The following CCDC136 variants were observed in gnomAD, a reference collection of about 807,000 sequenced individuals.
CCDC136 encodes coiled-coil domain containing 136.
A neutral mutation model predicts 141.2 loss-of-function variants in CCDC136; 100 were observed. The ratio of observed to expected loss-of-function variants is 0.71; its 90% CI spans 0.60 to 0.84. CCDC136 has a LOEUF of 0.84. Among genes scored for constraint, CCDC136 ranks in the 40% least tolerant of loss-of-function variants. The pLI is 0.00. For missense variants in CCDC136, 1,206 were observed against 1,379.4 expected, an observed-to-expected ratio of 0.87 and a Z score of 1.99; for synonymous variants, 474 against 531.9, an observed-to-expected ratio of 0.89 and a Z score of 1.50.
At position 128,809,643 on chromosome 7, in the gene CCDC136, A is replaced by G; in HGVS notation, c.1799A>G (p.Lys600Arg). 6.6e-7 allele frequency: 1 copy of G among 1,513,816 alleles called. No homozygotes were observed. The highest frequency in any genetic ancestry group is 8.9e-7 in the Non-Finnish European group (1 of 1,128,140). 93.8% of individuals were successfully genotyped at this position (1,513,816 alleles called of 1,614,324 possible). A position where few individuals can be genotyped will look rare whatever the true frequency, so the allele number is the denominator to read the frequency against. The change falls in exon 11 of 18, where the codon AAG becomes AGG. Residue 600 changes from lysine (K) to arginine (R), a missense_variant and splice_region_variant. By Grantham distance (26) the Lys-to-Arg change is conservative. Coordinates refer to ENST00000297788, the MANE Select transcript of CCDC136 (RefSeq NM_022742.5). ...LPLPKSGLLLKSQELLTKLED... is the reference protein window; with the variant it reads ...LPLPKSGLLLRSQELLTKLED... ...CTGCCAAAGAGTGGCCTCTTACTCAAGGTAACTCTGCCACAGGCAGCTGCT... is the reference window on the plus strand; with the variant it reads ...CTGCCAAAGAGTGGCCTCTTACTCAGGGTAACTCTGCCACAGGCAGCTGCT...
chr7:128,813,921 G>C (rs1036895250), intron 14 of CCDC136, among the ~76,000 whole-genome samples: 9 of 152,114 alleles, frequency 5.9e-5, no homozygotes, highest in African/African-American at 2.2e-4. Context: ...GGCGGAGGTT[G>C]CGGTGAGCCA....
chr7:128,800,884 T>A (rs1803919716), intron 3 of CCDC136, among the ~76,000 whole-genome samples: 1 of 152,246 alleles, frequency 6.6e-6, no homozygotes. Flanking sequence ...TCTTTAACTG[T>A]CAGGTGATTC....
In CCDC136 at chr7:128,805,556, ATTTCTTGTCTTTC is replaced by A. The variant is rs1441285658; in HGVS notation, c.948+37_948+49del. 2 of 1,575,010 alleles carry A rather than the reference ATTTCTTGTCTTTC, an allele frequency of 1.3e-6. No individual in the cohort carries two copies. Among genetic ancestry groups the A allele is most frequent in the African/African-American group, 2.7e-5 (2 of 73,992 alleles). On this transcript the variant is annotated intron_variant, in intron 6 of 17. Coordinates refer to ENST00000297788, the MANE Select transcript of CCDC136 (RefSeq NM_022742.5). This position sits in a 1 kb window ranked among gnomAD's most constrained non-coding sequence, Gnocchi z 4.6. Reference sequence around the variant, plus strand: ...CACAGAGGGTGGGGAAGGCAGGCACATTTCTTGTCTTTCTTTCACCTTCTCCCAGCCTGTGGTA... The same window carrying A: ...CACAGAGGGTGGGGAAGGCAGGCACATTTCACCTTCTCCCAGCCTGTGGTA...
intron 1 of CCDC136, 68 bp downstream of exon 1, chr7:128,792,495 C>G: frequency 7.7e-7 from 1 of 1,291,702 alleles, no homozygotes; most frequent in Non-Finnish European, 1.1e-6. Context: ...TTTCCTCCCT[C>G]TGACCCCCAG....
rs558666722 is a variant in CCDC136, at chr7:128,821,898, C to T, written c.*105C>T. The T allele has an allele frequency of 7.8e-7, 1 of 1,290,002 alleles. No individual in the cohort carries two copies. The allele number at this position is 1,290,002 out of a possible 1,614,324, so 79.9% of individuals were successfully genotyped here. A position where few individuals can be genotyped will look rare whatever the true frequency, so the allele number is the denominator to read the frequency against. ...GCGACAGCAGGAGTCAGAGTTCTGCCTCATGGAGTGATGGCAGACCTTGGC... is the reference window on the plus strand; with the variant it reads ...GCGACAGCAGGAGTCAGAGTTCTGCTTCATGGAGTGATGGCAGACCTTGGC... On this transcript the variant is annotated 3_prime_UTR_variant, in exon 18 of 18. Coordinates refer to ENST00000297788, the MANE Select transcript of CCDC136 (RefSeq NM_022742.5). This position sits in a 1 kb window ranked among gnomAD's most constrained non-coding sequence, Gnocchi z 5.1.
intron 17 of CCDC136, among the ~76,000 whole-genome samples, chr7:128,819,733 A>G (rs1807180729): frequency 6.6e-6 from 1 of 152,166 alleles, no homozygotes; most frequent in African/African-American, 2.4e-5. Flanking sequence ...GAGTCAGATT[A>G]TAAGGACTCA....
intron 17 of CCDC136, 147 bp downstream of exon 17, chr7:128,818,011 G>C: frequency 3.1e-6 from 2 of 648,514 alleles, no homozygotes; most frequent in Admixed American, 5.8e-5. Flanking sequence ...TTTTAGTTCT[G>C]ACTTTTCCTT....
At chr7:128,809,729 G>A in intron 11 of CCDC136, 85 bp downstream of exon 11, 1 of 1,067,374 alleles carries the variant, frequency 9.4e-7, no homozygotes. Flanking sequence ...TAAAAGGGTG[G>A]GGATTGAACT....
chr7:128,812,378 C>A (rs1463356393), intron 13 of CCDC136, 66 bp downstream of exon 13: 5 of 1,501,412 alleles, frequency 3.3e-6, no homozygotes, highest in South Asian at 1.3e-5. Flanking sequence ...AGAGATACAT[C>A]GCCAGGGGAA....
At chr7:128,813,760 C>T (rs1172216561) in intron 14 of CCDC136, among the ~76,000 whole-genome samples, 1 of 152,114 alleles carries the variant, frequency 6.6e-6, no homozygotes, top group African/African-American at 2.4e-5. Context: ...GCGGGTGGAT[C>T]ACTTGAGGTC....
At chr7:128,793,636 A>T (rs58691638) in intron 1 of CCDC136, among the ~76,000 whole-genome samples, 25,494 of 151,866 alleles carry the variant, frequency 0.17, 2,300 homozygotes, top group East Asian at 0.24. Flanking sequence ...TGAGACGGAG[A>T]CTCACTCTGT....
At chr7:128,795,561 G>A (rs1802824895) in intron 3 of CCDC136, among the ~76,000 whole-genome samples, 1 of 151,980 alleles carries the variant, frequency 6.6e-6, no homozygotes, top group Non-Finnish European at 1.5e-5. Context: ...AGGAGACGGG[G>A]ACAGAAAATG....
At position 128,805,921 on chromosome 7, in the gene CCDC136, G is replaced by A; in HGVS notation, c.1089+20G>A. ...ACCCAGGTAAACACTGCCCGGGGAG[G>A]CATCTGGGGTGGGGGCAGAAGGGCC... On this transcript the variant is annotated intron_variant, in intron 7 of 17. Coordinates refer to ENST00000297788, the MANE Select transcript of CCDC136 (RefSeq NM_022742.5). The surrounding 1 kb of genome is among the most constrained non-coding windows in gnomAD (Gnocchi z 4.6). 1 of 1,613,308 alleles carries A rather than the reference G, an allele frequency of 6.2e-7. No individual in the cohort carries two copies. The highest frequency in any genetic ancestry group is 8.5e-7 in the Non-Finnish European group (1 of 1,179,738).
intron 3 of CCDC136, among the ~76,000 whole-genome samples, chr7:128,795,761 T>C (rs1802851302): frequency 6.6e-6 from 1 of 152,188 alleles, no homozygotes; most frequent in South Asian, 2.1e-4. Context: ...ATGTCATTTC[T>C]TATCTGTAAA....
rs759023621 is a variant in CCDC136 at position 128,812,171 on chromosome 7, T to C, written c.2400T>C (p.Tyr800=). Residue 800 remains tyrosine, a synonymous_variant, in exon 13 of 18, where the codon TAT becomes TAC. Coordinates refer to ENST00000297788, the MANE Select transcript of CCDC136 (RefSeq NM_022742.5). ...YDSSTSASEA[Y]GKSYCTTSNS... is the part of the protein sequence containing the mutation. Reference sequence around the variant, plus strand: ...GCAGCACCAGTGCCAGTGAGGCCTATGGGAAGAGTTACTGCACTACCAGCA... The same window carrying C: ...GCAGCACCAGTGCCAGTGAGGCCTACGGGAAGAGTTACTGCACTACCAGCA... 7 of 1,614,004 alleles carry C rather than the reference T, an allele frequency of 4.3e-6. No individual in the cohort carries two copies. Among genetic ancestry groups the C allele is most frequent in the Middle Eastern group, 1.6e-4 (1 of 6,062 alleles).
At position 128,805,216 on chromosome 7, in the gene CCDC136, G is replaced by T; in HGVS notation, c.783-143G>T. Reference sequence around the variant, plus strand: ...CTGGAGACTTTCTGTAGTCTTTTAAGCATGTTTATCTGAGCGGTGAGTCAC... The same window carrying T: ...CTGGAGACTTTCTGTAGTCTTTTAATCATGTTTATCTGAGCGGTGAGTCAC... On this transcript the variant is annotated intron_variant, in intron 5 of 17. Coordinates refer to ENST00000297788, the MANE Select transcript of CCDC136 (RefSeq NM_022742.5). The surrounding 1 kb of genome is among the most constrained non-coding windows in gnomAD (Gnocchi z 4.6). 1.4e-6 allele frequency: 1 copy of T among 695,618 alleles called. No individual in the cohort carries two copies. Among genetic ancestry groups the T allele is most frequent in the Non-Finnish European group, 2.5e-6 (1 of 405,700 alleles). 43.1% of individuals were successfully genotyped at this position (695,618 alleles called of 1,614,324 possible). A position where few individuals can be genotyped will look rare whatever the true frequency, so the allele number is the denominator to read the frequency against.
chr7:128,807,468 C>T lies in CCDC136; in HGVS notation c.1528C>T (p.Leu510=), dbSNP rs1005596648. Residue 510 remains leucine, a synonymous_variant, in exon 10 of 18, where the codon CTG becomes TTG. Transcript: ENST00000297788. ...GTATGACCAGCTGGAGCAGGACCTC[C>T]TGCTCTGCCAGCTGGAGCTGAAAGA... ...HMYDQLEQDL[L]LCQLELKELK... 1.3e-6 allele frequency: 2 copies of T among 1,553,962 alleles called. No homozygotes were observed. Among genetic ancestry groups the T allele is most frequent in the African/African-American group, 1.4e-5 (1 of 72,926 alleles).
chr7:128,816,017 T>C lies in CCDC136; in HGVS notation c.3363+86T>C, dbSNP rs914567267. ...AGTTAATGGGTGGCCCTGCCAAGGA[T>C]GGATATCTCCAGGAGTGGAGGCCTC... On this transcript the variant is annotated intron_variant, in intron 16 of 17. Transcript: ENST00000297788. The C allele has an allele frequency of 1.8e-5, 25 of 1,366,966 alleles. No individual in the cohort carries two copies. In the Admixed American group the frequency reaches 2.6e-4, roughly 14 times the overall value. The allele number at this position is 1,366,966 out of a possible 1,614,324, so 84.7% of individuals were successfully genotyped here.
At chr7:128,815,230 A>G (rs972807780) in intron 15 of CCDC136, among the ~76,000 whole-genome samples, 4 of 152,234 alleles carry the variant, frequency 2.6e-5, no homozygotes, top group Admixed American at 1.3e-4. Flanking sequence ...CCTGGGTTAC[A>G]TGCCCAAGAG....
Sources: allele counts gnomAD v4.1 joint callset (sites outside exome capture counted in the v4.1 genomes callset), GRCh38; gene constraint gnomAD v4.1.1; non-coding constraint Gnocchi (gnomAD v3.1); transcripts MANE v1.5; gene names NCBI Gene and HGNC (gene_info 2026-07-23, HGNC 2026-07-21).